Variants in ZNF536 observed in about 807,000 individuals in gnomAD.
ZNF536 encodes the protein zinc finger protein 536.
ZNF536 carries 13 observed loss-of-function variants against 84.5 expected under a neutral mutation model. That is an observed-to-expected ratio of 0.15 (90% CI 0.10 to 0.24). The LOEUF (loss-of-function observed/expected upper bound fraction) is 0.24. ZNF536 is among the 10% of genes least tolerant of loss of function. ZNF536 has a pLI of 1.00. For missense variants in ZNF536, 1,536 were observed against 1,747.5 expected, an observed-to-expected ratio of 0.88 and a Z score of 2.16; for synonymous variants, 811 against 742.5, an observed-to-expected ratio of 1.09 and a Z score of -1.50.
intron 2 of ZNF536, among the ~76,000 whole-genome samples, chr19:30,457,895 C>T (rs2052930315): frequency 6.6e-6 from 1 of 152,204 alleles, no homozygotes; most frequent in African/African-American, 2.4e-5. Context: ...CCATCTGCAG[C>T]CTGCAGCAGA....
At chr19:30,366,398 A>ATCTATCTATATC (rs879736709) in intron 3 of ZNF536, among the ~76,000 whole-genome samples, 123 of 140,892 alleles carry the variant, frequency 8.7e-4, no homozygotes, top group South Asian at 2.6e-3. Context: ...CTATCTATCT[A>ATCTATCTATATC]TATCTATCTC....
intron 1 of ZNF536, among the ~76,000 whole-genome samples, chr19:30,416,213 T>A (rs1459655343): frequency 6.6e-6 from 1 of 152,114 alleles, no homozygotes; most frequent in Non-Finnish European, 1.5e-5. Flanking sequence ...GTCCTTTCTC[T>A]CTTTATGGTT....
At chr19:30,260,001 G>A (rs1320877677) in intron 1 of ZNF536, among the ~76,000 whole-genome samples, 1 of 149,892 alleles carries the variant, frequency 6.7e-6, no homozygotes, top group African/African-American at 2.5e-5. Flanking sequence ...CTGACCTCAA[G>A]TGATCCACCT....
chr19:30,270,496 T>C (rs1306061108), intron 1 of ZNF536, among the ~76,000 whole-genome samples: 1 of 152,214 alleles, frequency 6.6e-6, no homozygotes, highest in Non-Finnish European at 1.5e-5. Context: ...AGACACTGCC[T>C]GTCAAAAATA....
chr19:30,268,493 C>A (rs1457256684), intron 1 of ZNF536, among the ~76,000 whole-genome samples: 1 of 152,166 alleles, frequency 6.6e-6, no homozygotes, highest in Non-Finnish European at 1.5e-5. Context: ...TGCTTCTCGA[C>A]CCTCCCAGGG....
chr19:30,658,461 T>A (rs2050000481), intron 1 of ZNF536, among the ~76,000 whole-genome samples: 1 of 152,154 alleles, frequency 6.6e-6, no homozygotes, highest in Non-Finnish European at 1.5e-5. Context: ...TAAATCGGTA[T>A]CCCAGCTCTT....
intron 2 of ZNF536, among the ~76,000 whole-genome samples, chr19:30,529,317 T>G (rs1008622938): frequency 1.3e-5 from 2 of 152,168 alleles, no homozygotes; most frequent in Non-Finnish European, 2.9e-5. Flanking sequence ...TACAGCAAGA[T>G]AGCCAACCTC....
chr19:30,443,132 T>G (rs1175412635), intron 1 of ZNF536, among the ~76,000 whole-genome samples: 1 of 151,548 alleles, frequency 6.6e-6, no homozygotes, highest in East Asian at 1.9e-4. Flanking sequence ...GAAACAGAAG[T>G]TCCAAGTGGG....
At chr19:30,600,053 T>G (rs12976858) in intron 1 of ZNF536, among the ~76,000 whole-genome samples, 80,813 of 148,950 alleles carry the variant, frequency 0.54, 22,118 homozygotes, top group South Asian at 0.61. Flanking sequence ...TTTTTTTTTT[T>G]TTGTTGTTGT....
chr19:30,509,915 G>A (rs1416406769), intron 2 of ZNF536, among the ~76,000 whole-genome samples: 1 of 152,242 alleles, frequency 6.6e-6, no homozygotes, highest in East Asian at 1.9e-4. Context: ...CCATGTTCCT[G>A]TGGTGGGTAG....
At chr19:30,489,620 A>G (rs1389825035) in intron 2 of ZNF536, among the ~76,000 whole-genome samples, 2 of 152,156 alleles carry the variant, frequency 1.3e-5, no homozygotes, top group Non-Finnish European at 2.9e-5. Context: ...AAAATAATAA[A>G]AACGTACAAT....
intron 3 of ZNF536, among the ~76,000 whole-genome samples, chr19:30,355,664 G>C (rs1600359360): frequency 6.6e-6 from 1 of 152,076 alleles, no homozygotes; most frequent in Non-Finnish European, 1.5e-5. Flanking sequence ...GGCTGGTACT[G>C]TCTGTGGCCT....
chr19:30,497,253 G>T (rs1007917603), intron 2 of ZNF536, among the ~76,000 whole-genome samples: 12 of 152,180 alleles, frequency 7.9e-5, no homozygotes, highest in African/African-American at 2.9e-4. Flanking sequence ...TTCCACAATG[G>T]TAATGATCAC....
intron 1 of ZNF536, among the ~76,000 whole-genome samples, chr19:30,438,736 G>T (rs993948026): frequency 6.6e-6 from 1 of 152,188 alleles, no homozygotes; most frequent in African/African-American, 2.4e-5. Context: ...AAGTGCAGTG[G>T]TACGGATCAT....
Position 30,337,621 on chromosome 19 carries a change from A to G in ZNF536, c.-119-14747A>G, listed in dbSNP as rs537118782. 2.0e-5 allele frequency among the ~76,000 whole-genome samples: 3 copies of G among 152,270 alleles called. No homozygotes were observed. The South Asian group carries it at 6.2e-4, about 32-fold the overall frequency. ...AGCTCACAGCCCATGGTGGGTCCCT[A>G]GATGAGGCCTTCCTTATCTCCCTCA... On this transcript the variant is annotated intron_variant, in intron 2 of 5. Coordinates refer to the ZNF536 transcript ENST00000585628.
intron 1 of ZNF536, among the ~76,000 whole-genome samples, chr19:30,691,151 A>G (rs1423749900): frequency 6.6e-6 from 1 of 152,134 alleles, no homozygotes; most frequent in Non-Finnish European, 1.5e-5. Context: ...ATCTTTCAAA[A>G]GCAAATCAGA....
rs191165710 is a variant in ZNF536, at chr19:30,314,832, G to A, written c.-120+30691G>A. On this transcript the variant is annotated intron_variant, in intron 2 of 5. Coordinates refer to the ZNF536 transcript ENST00000585628. ...CACCCAACCCCTCCCCTTTCTCTGGGTGGAGCTATTTGTTTGCTTGTCTAC... is the reference window on the plus strand; with the variant it reads ...CACCCAACCCCTCCCCTTTCTCTGGATGGAGCTATTTGTTTGCTTGTCTAC... Among the ~76,000 whole-genome samples the A allele has an allele frequency of 2.0e-5, 3 of 152,170 alleles. No individual in the cohort carries two copies. In the East Asian group the frequency reaches 5.8e-4, roughly 30 times the overall value.
At chr19:30,326,815 T>TG in intron 2 of ZNF536, among the ~76,000 whole-genome samples, 1 of 140,344 alleles carries the variant, frequency 7.1e-6, no homozygotes, top group South Asian at 2.4e-4. Context: ...TTTTTTTTTT[T>TG]TTTGTTTTCT....
At chr19:30,346,490 C>T (rs191357550) in intron 2 of ZNF536, among the ~76,000 whole-genome samples, 108 of 152,224 alleles carry the variant, frequency 7.1e-4, no homozygotes, top group African/African-American at 2.5e-3. Context: ...CTCCCTCCTC[C>T]CACCCTCCAC....
Sources: allele counts gnomAD v4.1 joint callset (sites outside exome capture counted in the v4.1 genomes callset), GRCh38; gene constraint gnomAD v4.1.1; transcripts MANE v1.5; gene names NCBI Gene and HGNC (gene_info 2026-07-23, HGNC 2026-07-21).